Variants in IL1R2 observed in about 807,000 individuals in gnomAD.
IL1R2 encodes the protein interleukin 1 receptor type 2.
Under a neutral mutation model 39.5 loss-of-function variants are expected in IL1R2, and 46 were observed. The ratio of observed to expected loss-of-function variants is 1.16; its 90% CI spans 0.92 to 1.49. The LOEUF is 1.49. Ranked by LOEUF, IL1R2 falls within the 40% of genes most tolerant of loss-of-function variation. IL1R2 has a pLI of 0.00. For missense variants in IL1R2, 537 were observed against 502.0 expected, an observed-to-expected ratio of 1.07 and a Z score of -0.67; for synonymous variants, 207 against 189.6, an observed-to-expected ratio of 1.09 and a Z score of -0.75.
At chr2:101,993,478 T>C (rs975808479) in intron 1 of IL1R2, among the ~76,000 whole-genome samples, 3 of 152,204 alleles carry the variant, frequency 2.0e-5, no homozygotes, top group African/African-American at 7.2e-5. Context: ...ACCTGAGTTC[T>C]GGAGAAATCA....
chr2:102,015,737 T>A, intron 3 of IL1R2, 134 bp from the exon 4 acceptor site: 1 of 696,046 alleles, frequency 1.4e-6, no homozygotes, highest in Admixed American at 2.8e-5. Context: ...CCATCTTATG[T>A]CGGGAAACCA....
chr2:102,011,200 G>A (rs995869774), intron 3 of IL1R2, among the ~76,000 whole-genome samples: 2 of 152,192 alleles, frequency 1.3e-5, no homozygotes, highest in Non-Finnish European at 2.9e-5. Flanking sequence ...ATATGAACAT[G>A]GATGTGAAGA....
intron 3 of IL1R2, 143 bp from the exon 4 acceptor site, chr2:102,015,728 C>A (rs1279914279): frequency 1.1e-5 from 7 of 654,548 alleles, no homozygotes; most frequent in Non-Finnish European, 1.3e-5. Flanking sequence ...TAAGTTGAAC[C>A]ATCTTATGTC....
chr2:102,008,702 G>T, intron 2 of IL1R2, 60 bp downstream of exon 2: 1 of 1,409,236 alleles, frequency 7.1e-7, no homozygotes, highest in Non-Finnish European at 1.0e-6. Context: ...GGGGAAAGAT[G>T]TTATCTAGAG....
intron 3 of IL1R2, among the ~76,000 whole-genome samples, chr2:102,015,224 G>C (rs1421252369): frequency 6.6e-6 from 1 of 152,194 alleles, no homozygotes; most frequent in East Asian, 1.9e-4. Flanking sequence ...GGCTCAAGGA[G>C]CTCCAGAACC....
chr2:102,013,893 G>A (rs925822185), intron 3 of IL1R2, among the ~76,000 whole-genome samples: 2 of 152,042 alleles, frequency 1.3e-5, no homozygotes, highest in African/African-American at 2.4e-5. Flanking sequence ...CAGTGGGGAC[G>A]AGGACATGTG....
rs13388184 is a variant in IL1R2 at position 102,010,911 on chromosome 2, C to G, written c.332+1085C>G. 6.2e-3 allele frequency among the ~76,000 whole-genome samples: 945 copies of G among 152,280 alleles called. 9 individuals carry two copies. Among genetic ancestry groups the G allele is most frequent in the African/African-American group, 0.022 (901 of 41,544 alleles). ...AACTCCCCTCTCTTCTTCCCTCCAG[C>G]CTCAGGCAACCACCACTGTACTTTC... On this transcript the variant is annotated intron_variant, in intron 3 of 8. Coordinates refer to ENST00000332549, the MANE Select transcript of IL1R2 (RefSeq NM_004633.4).
chr2:102,009,118 G>GA (rs375237708), intron 2 of IL1R2, among the ~76,000 whole-genome samples: 1 of 152,136 alleles, frequency 6.6e-6, no homozygotes, highest in Non-Finnish European at 1.5e-5. Context: ...GCAAACTGAA[G>GA]AAGTGACGTG....
At chr2:102,016,248 TAAAC>T (rs879923907) in intron 4 of IL1R2, 197 bp downstream of exon 4, 4 of 502,818 alleles carry the variant, frequency 8.0e-6, no homozygotes, top group Admixed American at 7.1e-5. Flanking sequence ...TATAAACAAA[TAAAC>T]AAATAAAATA....
At chr2:102,003,464 C>T (rs1311571652) in intron 1 of IL1R2, among the ~76,000 whole-genome samples, 1 of 137,852 alleles carries the variant, frequency 7.3e-6, no homozygotes, top group African/African-American at 2.8e-5. Context: ...GTGGCTGTGT[C>T]TGTGTCGGTG....
At chr2:102,013,538 AAAAAAAAAAAAAAAG>A (rs1676772508) in intron 3 of IL1R2, among the ~76,000 whole-genome samples, 1 of 143,352 alleles carries the variant, frequency 7.0e-6, no homozygotes, top group East Asian at 2.0e-4. Flanking sequence ...AAAAAAAAAA[AAAAAAAAAAAAAAAG>A]GAAAGAAAGA....
At chr2:102,020,725 GACT>G (rs1677326414) in intron 5 of IL1R2, among the ~76,000 whole-genome samples, 1 of 152,178 alleles carries the variant, frequency 6.6e-6, no homozygotes, top group South Asian at 2.1e-4. Flanking sequence ...ACAGGCCACT[GACT>G]CAGGTCTCCT....
intron 8 of IL1R2, among the ~76,000 whole-genome samples, chr2:102,027,422 T>G (rs568222073): frequency 6.6e-6 from 1 of 152,310 alleles, no homozygotes; most frequent in Non-Finnish European, 1.5e-5. Flanking sequence ...GCCTTGTCCC[T>G]GCATGTGGCT....
At chr2:102,022,991 G>A (rs550035670) in intron 6 of IL1R2, among the ~76,000 whole-genome samples, 3 of 152,284 alleles carry the variant, frequency 2.0e-5, no homozygotes, top group Admixed American at 6.5e-5. Flanking sequence ...AGGGCATCAC[G>A]TTGGCTCAGT....
chr2:102,002,672 A>G (rs2150423266), intron 1 of IL1R2, among the ~76,000 whole-genome samples: 1 of 151,026 alleles, frequency 6.6e-6, no homozygotes, highest in South Asian at 2.1e-4. Flanking sequence ...GTCTAAGTCT[A>G]GGTCTAGGTC....
chr2:102,014,859 C>T (rs986374504), intron 3 of IL1R2, among the ~76,000 whole-genome samples: 3 of 151,388 alleles, frequency 2.0e-5, no homozygotes, highest in Non-Finnish European at 4.4e-5. Flanking sequence ...CCATTTCCCA[C>T]AAGTTTCCAG....
At chr2:102,012,575 G>C (rs1325858069) in intron 3 of IL1R2, among the ~76,000 whole-genome samples, 1 of 151,808 alleles carries the variant, frequency 6.6e-6, no homozygotes, top group African/African-American at 2.4e-5. Flanking sequence ...GTGCATGTGT[G>C]AAATTAAGAA....
chr2:102,001,574 A>G (rs1014996526), intron 1 of IL1R2, among the ~76,000 whole-genome samples: 5 of 152,092 alleles, frequency 3.3e-5, no homozygotes, highest in African/African-American at 1.2e-4. Flanking sequence ...TTTCTTTCCT[A>G]TAGAACAAAA....
At chr2:101,994,005 T>C (rs1406463106) in intron 1 of IL1R2, among the ~76,000 whole-genome samples, 2 of 152,216 alleles carry the variant, frequency 1.3e-5, no homozygotes, top group Non-Finnish European at 2.9e-5. Context: ...CCAAGGCCAG[T>C]GGGCTTCCCG....
Sources: allele counts gnomAD v4.1 joint callset (sites outside exome capture counted in the v4.1 genomes callset), GRCh38; gene constraint gnomAD v4.1.1; transcripts MANE v1.5; gene names NCBI Gene and HGNC (gene_info 2026-07-23, HGNC 2026-07-21).